WASF1: variants seen among roughly 807,000 people sequenced by gnomAD.
WASF1 encodes actin-binding protein WASF1.
WASF1 carries 7 observed loss-of-function variants against 50.5 expected under a neutral mutation model. That is an observed-to-expected ratio of 0.14 (90% CI 0.08 to 0.26). The LOEUF is 0.26. WASF1 is among the 10% of genes least tolerant of loss of function. The pLI is 1.00. For synonymous variants in WASF1, 205 were observed against 244.0 expected (o/e 0.84, Z 1.49); for missense variants, 470 against 694.7 (o/e 0.68, Z 3.64).
rs182080395 is a variant in WASF1 at position 110,160,059 on chromosome 6, T to A, written c.-29+576A>T. Among the ~76,000 whole-genome samples the A allele has an allele frequency of 2.3e-3, 348 of 151,956 alleles. 1 individual carries two copies. Among genetic ancestry groups the A allele is most frequent in the African/African-American group, 8.1e-3 (336 of 41,492 alleles). On this transcript the variant is annotated intron_variant, in intron 3 of 10. Transcript: ENST00000392589. ...ATACCATCTTGAAAGTTTTATCTAGTTAGAATAAGTCTAATTTAAAAACAG... is the reference window on the plus strand; with the variant it reads ...ATACCATCTTGAAAGTTTTATCTAGATAGAATAAGTCTAATTTAAAAACAG...
chr6:110,108,443 A>G lies in WASF1; in HGVS notation c.422+85T>C, dbSNP rs144924738. The G allele has an allele frequency of 3.8e-4, 534 of 1,402,246 alleles. 3 individuals are homozygous for G. The African/African-American group carries it at 6.3e-3, about 17-fold the overall frequency. The allele number at this position is 1,402,246 out of a possible 1,614,324, so 86.9% of individuals were successfully genotyped here. The stretch of plus-strand genomic sequence containing the variant: ...GCTCTCTGTGTTGGCTAGAACCCCA[A>G]TGAAATAAAGAATGTTTGGGGATTT... On this transcript the variant is annotated intron_variant, in intron 6 of 10. Coordinates refer to ENST00000392589, the MANE Select transcript of WASF1 (RefSeq NM_003931.3).
chr6:110,155,844 G>A (rs1584015431), intron 3 of WASF1, among the ~76,000 whole-genome samples: 1 of 8,090 alleles, frequency 1.2e-4, no homozygotes, highest in Non-Finnish European at 2.4e-4. Context: ...GAGAATGATG[G>A]TTTCCAATTT....
Position 110,108,508 on chromosome 6 carries a change from C to A in WASF1, c.422+20G>T. The A allele has an allele frequency of 6.3e-7, 1 of 1,582,614 alleles. No individual in the cohort carries two copies. The highest frequency in any genetic ancestry group is 8.6e-7 in the Non-Finnish European group (1 of 1,161,724). On this transcript the variant is annotated intron_variant, in intron 6 of 10. Coordinates refer to ENST00000392589, the MANE Select transcript of WASF1 (RefSeq NM_003931.3). ...AAGTCTGAGATAAATAATAGGGCTA[C>A]TATTTATTAACCTACCTACCTATAA... is the stretch of plus-strand genomic sequence containing the variant.
rs1044615664 is a variant in WASF1, at chr6:110,148,212, C to T, written c.-29+12423G>A. Among the ~76,000 whole-genome samples the T allele has an allele frequency of 7.2e-5, 11 of 152,170 alleles. No individual in the cohort carries two copies. The East Asian group carries it at 1.5e-3, about 21-fold the overall frequency. On this transcript the variant is annotated intron_variant, in intron 3 of 10. Transcript: ENST00000392589. ...AATACATTGTACTTTATATGAAAAACGGCAGTACTGACACACTGCCATCCA... is the reference window on the plus strand; with the variant it reads ...AATACATTGTACTTTATATGAAAAATGGCAGTACTGACACACTGCCATCCA...
intron 3 of WASF1, among the ~76,000 whole-genome samples, chr6:110,139,624 CTTA>C (rs1440652183): frequency 1.3e-5 from 2 of 151,922 alleles, no homozygotes. Flanking sequence ...TTCCTCCAGT[CTTA>C]TATTTTCTCC....
In WASF1 at chr6:110,177,964, T is replaced by C. The variant is rs371714075; in HGVS notation, c.-127+634A>G. On this transcript the variant is annotated intron_variant, in intron 2 of 10. Coordinates refer to ENST00000392589, the MANE Select transcript of WASF1 (RefSeq NM_003931.3). ...TATTTGCAAAAAAAAAAAAATTTCA[T>C]CCTTCAGGTAGATCACGCAAAACTG... Among the ~76,000 whole-genome samples the C allele has an allele frequency of 1.3e-4, 20 of 151,132 alleles. No individual in the cohort carries two copies. In the South Asian group the frequency reaches 3.8e-3, roughly 28 times the overall value.
At chr6:110,100,991 T>C (rs1773057953) in intron 10 of WASF1, among the ~76,000 whole-genome samples, 1 of 152,216 alleles carries the variant, frequency 6.6e-6, no homozygotes, top group Non-Finnish European at 1.5e-5. Flanking sequence ...ATCACCTCAA[T>C]GGTCAAATAA....
intron 3 of WASF1, among the ~76,000 whole-genome samples, chr6:110,152,472 A>C (rs1355370557): frequency 6.6e-6 from 1 of 152,232 alleles, no homozygotes; most frequent in Non-Finnish European, 1.5e-5. Context: ...TTAGTCCAAC[A>C]GAAACAATTC....
rs568881393 is a variant in WASF1 at position 110,142,571 on chromosome 6, G to A, written c.-28-14942C>T. Reference sequence around the variant, plus strand: ...AAAACTGCCTGATTCCCATTTTAGAGCAATCCCAACACCATCTTTTTCATG... The same window carrying A: ...AAAACTGCCTGATTCCCATTTTAGAACAATCCCAACACCATCTTTTTCATG... On this transcript the variant is annotated intron_variant, in intron 3 of 10. Coordinates refer to ENST00000392589, the MANE Select transcript of WASF1 (RefSeq NM_003931.3). Among the ~76,000 whole-genome samples, 187 of 151,926 alleles carry A rather than the reference G, an allele frequency of 1.2e-3. 1 individual carries two copies. The highest frequency in any genetic ancestry group is 2.3e-3 in the Non-Finnish European group (155 of 68,004).
rs867324808 is a variant in WASF1 at position 110,107,098 on chromosome 6, C to T, written c.519G>A (p.Arg173=). Residue 173 remains arginine (R), a synonymous_variant, in exon 7 of 11, where the codon AGG becomes AGA. Coordinates refer to ENST00000392589, the MANE Select transcript of WASF1 (RefSeq NM_003931.3). ...EKMLQDTEDK[R]KEKRKQKQKN... ...ATACCTTCTGCTTCCTCTTTTCCTTCCTCTTATCCTCTGTATCTTGCAACA... is the reference window on the plus strand; with the variant it reads ...ATACCTTCTGCTTCCTCTTTTCCTTTCTCTTATCCTCTGTATCTTGCAACA... 1.8e-5 allele frequency: 29 copies of T among 1,603,218 alleles called. 2 individuals carry two copies. In the Middle Eastern group the frequency reaches 3.5e-3, roughly 192 times the overall value.
At chr6:110,111,527 C>T (rs1239145861) in intron 5 of WASF1, among the ~76,000 whole-genome samples, 1 of 152,076 alleles carries the variant, frequency 6.6e-6, no homozygotes, top group East Asian at 1.9e-4. Context: ...GACATTTCTC[C>T]AAAGGAGATA....
chr6:110,145,187 T>C (rs998552499), intron 3 of WASF1, among the ~76,000 whole-genome samples: 1 of 152,178 alleles, frequency 6.6e-6, no homozygotes, highest in African/African-American at 2.4e-5. Context: ...CCCTTGCAAG[T>C]TGGATTCCTA....
In WASF1 at chr6:110,102,128, G is replaced by C. The variant is rs776263954; in HGVS notation, c.982C>G (p.Pro328Ala). Residue 328 changes from proline (P) to alanine (A), a missense_variant, in exon 10 of 11, where the codon CCA becomes GCA. Physicochemically the swap from Pro to Ala is conservative, Grantham distance 27 (BLOSUM62 -1). Coordinates refer to ENST00000392589, the MANE Select transcript of WASF1 (RefSeq NM_003931.3). ...VFVSPTPPPP[P>A]PPLPSALSTS... ...GACAAGGCAGATGGAAGAGGTGGTG[G>C]AGGAGGTGGGGGAGTGGGGCTCACA... is the stretch of plus-strand genomic sequence containing the variant. 6.7e-7 allele frequency: 1 copy of C among 1,490,784 alleles called. No individual in the cohort carries two copies. Among genetic ancestry groups the C allele is most frequent in the Non-Finnish European group, 8.9e-7 (1 of 1,120,718 alleles). The allele number at this position is 1,490,784 out of a possible 1,614,324, so 92.3% of individuals were successfully genotyped here. A position where few individuals can be genotyped will look rare whatever the true frequency, so the allele number is the denominator to read the frequency against.
At chr6:110,143,092 CT>C (rs1775335243) in intron 3 of WASF1, among the ~76,000 whole-genome samples, 1 of 151,648 alleles carries the variant, frequency 6.6e-6, no homozygotes, top group Non-Finnish European at 1.5e-5. Flanking sequence ...AATATATCCC[CT>C]AAAAAGATTT....
intron 2 of WASF1, among the ~76,000 whole-genome samples, chr6:110,177,544 A>G (rs1400697071): frequency 1.3e-5 from 2 of 152,140 alleles, no homozygotes; most frequent in Non-Finnish European, 2.9e-5. Flanking sequence ...CTTTAAAAGG[A>G]CTACAAAAAC....
chr6:110,133,175 C>G (rs1774773625), intron 3 of WASF1, among the ~76,000 whole-genome samples: 1 of 151,978 alleles, frequency 6.6e-6, no homozygotes, highest in African/African-American at 2.4e-5. Flanking sequence ...CATATTTTTG[C>G]AATTATAAAT....
At chr6:110,177,562 T>C (rs1380741145) in intron 2 of WASF1, among the ~76,000 whole-genome samples, 1 of 152,102 alleles carries the variant, frequency 6.6e-6, no homozygotes, top group Non-Finnish European at 1.5e-5. Context: ...AACACACCTT[T>C]CCTGAATTTA....
intron 3 of WASF1, among the ~76,000 whole-genome samples, chr6:110,133,738 C>A (rs1422967328): frequency 6.7e-6 from 1 of 149,686 alleles, no homozygotes. Flanking sequence ...ATTTTTTTTT[C>A]TGATATTTGA....
intron 2 of WASF1, among the ~76,000 whole-genome samples, chr6:110,161,740 C>T (rs912035071): frequency 6.6e-6 from 1 of 151,404 alleles, no homozygotes; most frequent in Non-Finnish European, 1.5e-5. Flanking sequence ...GTTTACATTC[C>T]AGATTTCTCA....
Sources: gnomAD v4.1 joint callset for allele counts (sites outside exome capture counted in the v4.1 genomes callset) on GRCh38, gnomAD v4.1.1 for gene constraint, MANE v1.5 for transcripts, NCBI Gene and HGNC (gene_info 2026-07-23, HGNC 2026-07-21) for gene names.